USP6: variants seen among roughly 807,000 people sequenced by gnomAD.
USP6 encodes the protein ubiquitin specific peptidase 6.
USP6 carries 128 observed loss-of-function variants against 175.7 expected under a neutral mutation model. The observed-to-expected ratio is 0.73, with a 90% CI of 0.63 to 0.84. The LOEUF is 0.84. USP6 is among the 40% of genes least tolerant of loss of function. The pLI, the probability that USP6 is intolerant of heterozygous loss-of-function variation, is 0.00. For synonymous variants in USP6, 562 were observed against 630.6 expected, an observed-to-expected ratio of 0.89 and a Z score of 1.63; for missense variants, 1,498 against 1,760.3, an observed-to-expected ratio of 0.85 and a Z score of 2.67.
intron 35 of USP6, among the ~76,000 whole-genome samples, chr17:5,170,094 T>C (rs566821835): frequency 6.6e-6 from 1 of 152,178 alleles, no homozygotes; most frequent in South Asian, 2.1e-4. Flanking sequence ...TGCCTAACAA[T>C]AGGAAGTACT....
intron 19 of USP6, 144 bp downstream of exon 19, chr17:5,137,330 C>T (rs1305382119): frequency 1.8e-5 from 20 of 1,113,748 alleles, no homozygotes; most frequent in South Asian, 1.2e-4. Flanking sequence ...AACCCTCTGC[C>T]CAAGAGGGGT....
At chr17:5,157,300 G>C (rs1209023182) in intron 31 of USP6, among the ~76,000 whole-genome samples, 2 of 152,106 alleles carry the variant, frequency 1.3e-5, no homozygotes, top group East Asian at 1.9e-4. Flanking sequence ...TGGCCAGGCT[G>C]GTCTCAAACT....
chr17:5,170,865 C>T lies in USP6; in HGVS notation c.3904C>T (p.Gln1302Ter), dbSNP rs1360990544. ...NHSEEDSTDDQREDTHIKPIY... is the reference protein window; with the variant it reads ...NHSEEDSTDD ...CAGTGAAGAAGACAGCACTGATGAC[C>T]AAAGAGAAGACACTCATATTAAGCC... Residue 1302 changes from glutamine to a stop codon, truncating the protein, a stop_gained, in exon 36 of 38, where the codon CAA becomes TAA. Coordinates refer to ENST00000574788, the MANE Select transcript of USP6 (RefSeq NM_001304284.2). LOFTEE classifies it high-confidence loss of function. The T allele has an allele frequency of 3.1e-6, 5 of 1,612,484 alleles. No homozygotes were observed. Among genetic ancestry groups the T allele is most frequent in the Non-Finnish European group, 2.5e-6 (3 of 1,179,864 alleles).
In USP6 at chr17:5,132,779, C is replaced by G; in HGVS notation, c.196-131C>G. On this transcript the variant is annotated intron_variant, in intron 12 of 37. Transcript: ENST00000574788. This position sits in a 1 kb window ranked among gnomAD's most constrained non-coding sequence, Gnocchi z 4.7. ...CTCATTTGCTCAAAGGCTCTCAGCC[C>G]TTAGGGTCTGCCCTTCCCTGGCTCC... 5.9e-6 allele frequency: 7 copies of G among 1,194,610 alleles called. No individual in the cohort carries two copies. The South Asian group carries it at 8.7e-5, about 15-fold the overall frequency. The allele number at this position is 1,194,610 out of a possible 1,614,324, so 74.0% of individuals were successfully genotyped here. A position where few individuals can be genotyped will look rare whatever the true frequency, so the allele number is the denominator to read the frequency against.
chr17:5,153,811 A>G (rs1395086252), intron 30 of USP6, among the ~76,000 whole-genome samples: 3 of 152,042 alleles, frequency 2.0e-5, no homozygotes, highest in Non-Finnish European at 4.4e-5. Flanking sequence ...GCGTGCCACC[A>G]TGCCCAGATA....
intron 23 of USP6, 130 bp from the exon 24 acceptor site, chr17:5,141,873 C>T: frequency 7.1e-7 from 1 of 1,400,858 alleles, no homozygotes; most frequent in Non-Finnish European, 9.5e-7. Context: ...CAAAGACCTG[C>T]TAGAGAATTA....
At chr17:5,151,899 C>T (rs2073781969) in intron 30 of USP6, among the ~76,000 whole-genome samples, 1 of 152,098 alleles carries the variant, frequency 6.6e-6, no homozygotes, top group African/African-American at 2.4e-5. Context: ...TGAATTCATT[C>T]CTGACATTAC....
rs773753537 is a variant in USP6 at position 5,146,052 on chromosome 17, C to G, written c.2197C>G (p.Arg733Gly). 6.2e-7 allele frequency: 1 copy of G among 1,611,498 alleles called. No homozygotes were observed. Among genetic ancestry groups the G allele is most frequent in the South Asian group, 1.1e-5 (1 of 90,694 alleles). Residue 733 changes from arginine (R) to glycine (G), a missense_variant, in exon 28 of 38, where the codon CGG (arginine) becomes GGG (glycine). By Grantham distance (125) the Arg-to-Gly change is moderately radical. Around this residue, in one of 2 missense-constraint regions of USP6, gnomAD observed 1,217 missense variants for 1,500.8 expected, o/e 0.81. Coordinates refer to ENST00000574788, the MANE Select transcript of USP6 (RefSeq NM_001304284.2). ...VIKLDGTTPVRYGLRLNMDEK... is the reference protein window; with the variant it reads ...VIKLDGTTPVGYGLRLNMDEK... ...TAAGTTAGATGGTACTACCCCTGTA[C>G]GGTATGGACTAAGACTGAATATGGA...
intron 30 of USP6, among the ~76,000 whole-genome samples, chr17:5,152,690 A>G (rs896812045): frequency 1.3e-5 from 2 of 152,192 alleles, no homozygotes; most frequent in African/African-American, 4.8e-5. Flanking sequence ...ATGTTGATGG[A>G]AAGAAGCCAG....
chr17:5,145,458 T>C lies in USP6; in HGVS notation c.2046T>C (p.His682=), dbSNP rs142902161. The C allele has an allele frequency of 1.8e-5, 29 of 1,612,880 alleles. No homozygotes were observed. The African/African-American group carries it at 3.5e-4, about 19-fold the overall frequency. The change falls in exon 27 of 38, where the codon CAT becomes CAC. Residue 682 remains histidine (H), a synonymous_variant. Transcript: ENST00000574788. ...RNRSIIVDLF[H]GQLRSQVKCK... Reference sequence around the variant, plus strand: ...GATCAATTATTGTGGATTTGTTCCATGGGCAGCTAAGATCTCAAGTCAAAT... The same window carrying C: ...GATCAATTATTGTGGATTTGTTCCACGGGCAGCTAAGATCTCAAGTCAAAT...
chr17:5,137,013 G>C (rs1417737225), intron 18 of USP6, 108 bp from the exon 19 acceptor site: 1 of 1,311,448 alleles, frequency 7.6e-7, no homozygotes, highest in East Asian at 2.3e-5. Flanking sequence ...GGGAGTTCTG[G>C]ACACCGCCCA....
chr17:5,123,919 G>A lies in USP6; in HGVS notation c.-1298-647G>A, dbSNP rs116677271. ...CACGCACGTGCGCACACACACACACGCACACACACACACACACACGTGATC... is the reference window on the plus strand; with the variant it reads ...CACGCACGTGCGCACACACACACACACACACACACACACACACACGTGATC... On this transcript the variant is annotated intron_variant, in intron 4 of 37. Coordinates refer to ENST00000574788, the MANE Select transcript of USP6 (RefSeq NM_001304284.2). Among the ~76,000 whole-genome samples, 38 of 150,296 alleles carry A rather than the reference G, an allele frequency of 2.5e-4. No homozygotes were observed. The East Asian group carries it at 2.6e-3, about 10-fold the overall frequency.
chr17:5,168,586 C>T (rs993747602), intron 34 of USP6, among the ~76,000 whole-genome samples, 181 bp from the exon 35 acceptor site: 6 of 152,252 alleles, frequency 3.9e-5, no homozygotes, highest in African/African-American at 1.4e-4. Flanking sequence ...GACGCCAGTG[C>T]ACTAGGGCCT....
intron 31 of USP6, among the ~76,000 whole-genome samples, chr17:5,157,612 G>A (rs1218214669): frequency 1.3e-5 from 2 of 151,894 alleles, no homozygotes; most frequent in Admixed American, 6.6e-5. Flanking sequence ...AGGGAAAGAG[G>A]AATCCAGGCT....
In USP6 at chr17:5,172,455, C is replaced by T. The variant is rs562347890; in HGVS notation, c.4048-350C>T. Among the ~76,000 whole-genome samples the T allele has an allele frequency of 3.1e-4, 47 of 151,914 alleles. No homozygotes were observed. The East Asian group carries it at 8.0e-3, about 26-fold the overall frequency. On this transcript the variant is annotated intron_variant, in intron 37 of 37. Transcript: ENST00000574788. ...CTGAGGCAGGAGAATCGCTTGAACC[C>T]GGGAGGCAGAGGTTGCAGTGAGCTG...
intron 31 of USP6, among the ~76,000 whole-genome samples, chr17:5,157,375 C>T (rs758293380): frequency 6.6e-5 from 10 of 152,180 alleles, no homozygotes; most frequent in Admixed American, 2.0e-4. Context: ...CATGAGCCAT[C>T]GCGCCCAGCC....
Position 5,135,834 on chromosome 17 carries a change from C to A in USP6, c.570C>A (p.Ser190Arg). 1 of 1,598,814 alleles carries A rather than the reference C, an allele frequency of 6.3e-7. No individual in the cohort carries two copies. Residue 190 changes from serine (S) to arginine (R), a missense_variant, in exon 17 of 38, where the codon AGC (serine) becomes AGA (arginine). Transcript: ENST00000574788. ...AGGTGGGCTACTGCAGGGACCTGAGCCACATCACCGCCTTGTTCCTCCTTT... is the reference window on the plus strand; with the variant it reads ...AGGTGGGCTACTGCAGGGACCTGAGACACATCACCGCCTTGTTCCTCCTTT... ...NPEVGYCRDLSHITALFLLYL... is the reference protein window; with the variant it reads ...NPEVGYCRDLRHITALFLLYL...
At chr17:5,147,275 C>A in intron 29 of USP6, 81 bp downstream of exon 29, 1 of 1,409,038 alleles carries the variant, frequency 7.1e-7, no homozygotes, top group South Asian at 1.3e-5. Context: ...TATATTTGTT[C>A]ATGCTGAGGA....
intron 30 of USP6, among the ~76,000 whole-genome samples, chr17:5,150,812 C>T (rs2073750581): frequency 6.6e-6 from 1 of 152,052 alleles, no homozygotes; most frequent in Non-Finnish European, 1.5e-5. Context: ...ATTCTTTCAC[C>T]TTCTGGAGGC....
Sources: gnomAD v4.1 joint callset for allele counts (sites outside exome capture counted in the v4.1 genomes callset) on GRCh38, gnomAD v4.1.1 for gene constraint, gnomAD v4.1.1 regional missense constraint, Gnocchi (gnomAD v3.1) non-coding constraint, MANE v1.5 for transcripts, NCBI Gene and HGNC (gene_info 2026-07-23, HGNC 2026-07-21) for gene names.